Variants in ALMS1 observed in about 807,000 individuals in gnomAD.
ALMS1 encodes the protein ALMS1 centrosome and basal body associated protein.
Under a neutral mutation model 352.2 loss-of-function variants are expected in ALMS1, and 271 were observed. The ratio of observed to expected loss-of-function variants is 0.77; its 90% CI spans 0.70 to 0.85. ALMS1 has a LOEUF of 0.85. Ranked by LOEUF, ALMS1 falls within the 40% of genes least tolerant of loss-of-function variation. The probability of loss-of-function intolerance (pLI) is 0.00; values close to 1 mark genes in which losing one functional copy is unlikely to be tolerated. For synonymous variants in ALMS1, 1,865 were observed against 1,761.2 expected, an observed-to-expected ratio of 1.06 and a Z score of -1.48; for missense variants, 5,445 against 4,870.7, an observed-to-expected ratio of 1.12 and a Z score of -3.51.
At chr2:73,464,766 A>G (rs979981598) in intron 9 of ALMS1, among the ~76,000 whole-genome samples, 13 of 152,218 alleles carry the variant, frequency 8.5e-5, no homozygotes, top group African/African-American at 1.7e-4. Context: ...TACAAAATCA[A>G]TGTACAAAAA....
chr2:73,465,518 C>T (rs1205949717), intron 9 of ALMS1, among the ~76,000 whole-genome samples: 8 of 152,062 alleles, frequency 5.3e-5, no homozygotes, highest in Non-Finnish European at 7.4e-5. Flanking sequence ...CATGTTAGTC[C>T]GAAAACTGTG....
intron 1 of ALMS1, among the ~76,000 whole-genome samples, chr2:73,407,758 A>G (rs781721040): frequency 5.3e-5 from 8 of 152,048 alleles, no homozygotes; most frequent in South Asian, 2.1e-4. Flanking sequence ...GGGTTTTGCT[A>G]TGTTGGCCAG....
intron 16 of ALMS1, among the ~76,000 whole-genome samples, chr2:73,579,555 T>G (rs968130017): frequency 1.8e-4 from 27 of 152,228 alleles, no homozygotes; most frequent in African/African-American, 6.0e-4. Flanking sequence ...AGACGTGGTT[T>G]CACCGTGTTG....
At position 73,450,892 on chromosome 2, in the gene ALMS1, T is replaced by G; in HGVS notation, c.4365T>G (p.Val1455=). The change falls in exon 8 of 23, where the codon GTT becomes GTG. Residue 1455 remains valine (V), a synonymous_variant. Transcript: ENST00000613296. ...ATCTACCTGAAGAGGCTTTGGAAGT[T>G]TCAGTTGCTCCTGGACCAGTTGACC... ...HSHLPEEALE[V]SVAPGPVDQT... 1 of 1,614,072 alleles carries G rather than the reference T, an allele frequency of 6.2e-7. No homozygotes were observed. Among genetic ancestry groups the G allele is most frequent in the Non-Finnish European group, 8.5e-7 (1 of 1,179,978 alleles).
At chr2:73,604,127 G>GA (rs1412217734) in intron 21 of ALMS1, 1 of 152,176 alleles carries the variant, frequency 6.6e-6, no homozygotes, top group Non-Finnish European at 1.5e-5. Context: ...CTGGAAGACA[G>GA]AAAAAACTGG....
intron 10 of ALMS1, among the ~76,000 whole-genome samples, chr2:73,510,747 G>C (rs576897413): frequency 4.6e-5 from 7 of 152,312 alleles, no homozygotes; most frequent in African/African-American, 1.7e-4. Context: ...GGGCTGTCCT[G>C]GGAGATCTGC....
At chr2:73,539,593 T>G (rs1674117380) in intron 12 of ALMS1, among the ~76,000 whole-genome samples, 1 of 152,118 alleles carries the variant, frequency 6.6e-6, no homozygotes, top group Non-Finnish European at 1.5e-5. Flanking sequence ...AAGGAGGAAG[T>G]TCGAACCCAT....
At chr2:73,480,024 T>G (rs1672662192) in intron 9 of ALMS1, among the ~76,000 whole-genome samples, 1 of 152,082 alleles carries the variant, frequency 6.6e-6, no homozygotes, top group Admixed American at 6.5e-5. Flanking sequence ...TCCTGTTAAG[T>G]GAAATGTCTG....
chr2:73,574,499 C>A (rs1675011172), intron 16 of ALMS1, among the ~76,000 whole-genome samples: 2 of 151,966 alleles, frequency 1.3e-5, no homozygotes, highest in African/African-American at 4.8e-5. Context: ...ACAACTTGTG[C>A]TAAAAAAATT....
chr2:73,478,339 A>G (rs1558661748), intron 9 of ALMS1, among the ~76,000 whole-genome samples: 1 of 152,196 alleles, frequency 6.6e-6, no homozygotes, highest in Non-Finnish European at 1.5e-5. Flanking sequence ...TGGAAAGGTT[A>G]TTATGAAAGC....
chr2:73,484,505 C>G (rs1420659257), intron 9 of ALMS1, among the ~76,000 whole-genome samples: 2 of 151,574 alleles, frequency 1.3e-5, no homozygotes, highest in Non-Finnish European at 2.9e-5. Flanking sequence ...CTGTCCTTAA[C>G]ATTTTTTCCT....
chr2:73,386,269 C>A, intron 1 of ALMS1, 77 bp downstream of exon 1: 1 of 1,415,598 alleles, frequency 7.1e-7, no homozygotes, highest in Non-Finnish European at 9.2e-7. Context: ...TCCGCCCGCC[C>A]GCAGGTCACG....
At chr2:73,557,390 C>G (rs768633713) in intron 14 of ALMS1, 36 bp downstream of exon 14, 2 of 1,613,376 alleles carry the variant, frequency 1.2e-6, no homozygotes, top group Non-Finnish European at 1.7e-6. Context: ...TTATTTTCTT[C>G]TGGTCTTCTA....
At chr2:73,520,490 A>G (rs1344385812) in intron 11 of ALMS1, among the ~76,000 whole-genome samples, 3 of 152,362 alleles carry the variant, frequency 2.0e-5, no homozygotes, top group Non-Finnish European at 2.9e-5. Flanking sequence ...TTATAAAGCA[A>G]TCACCAGAGA....
At chr2:73,595,166 C>T (rs1339533729) in intron 16 of ALMS1, among the ~76,000 whole-genome samples, 2 of 152,210 alleles carry the variant, frequency 1.3e-5, no homozygotes, top group Non-Finnish European at 2.9e-5. Flanking sequence ...TTCCCCAGCA[C>T]CCAGCCCTCC....
chr2:73,464,544 G>A (rs542621328), intron 9 of ALMS1, among the ~76,000 whole-genome samples: 61 of 152,288 alleles, frequency 4.0e-4, no homozygotes, highest in African/African-American at 1.4e-3. Context: ...ACAAGACAGG[G>A]GTGCCCTCTC....
chr2:73,574,450 T>A (rs1473796300), intron 16 of ALMS1, among the ~76,000 whole-genome samples: 1 of 152,196 alleles, frequency 6.6e-6, no homozygotes, highest in Non-Finnish European at 1.5e-5. Flanking sequence ...ATTTTATGAG[T>A]ACAGTAGTGA....
At chr2:73,585,550 C>A (rs979796414) in intron 16 of ALMS1, among the ~76,000 whole-genome samples, 1 of 151,734 alleles carries the variant, frequency 6.6e-6, no homozygotes, top group African/African-American at 2.4e-5. Context: ...GGTGCCACCA[C>A]GTCTGGCTAA....
At chr2:73,539,672 G>A (rs1012633180) in intron 12 of ALMS1, among the ~76,000 whole-genome samples, 1 of 152,138 alleles carries the variant, frequency 6.6e-6, no homozygotes, top group African/African-American at 2.4e-5. Context: ...ATGCAGAGAA[G>A]TCCTTAAAGG....
Sources: gnomAD v4.1 joint callset for allele counts (sites outside exome capture counted in the v4.1 genomes callset) on GRCh38, gnomAD v4.1.1 for gene constraint, MANE v1.5 for transcripts, NCBI Gene and HGNC (gene_info 2026-07-23, HGNC 2026-07-21) for gene names.